The following SLX4IP variants were observed in gnomAD, a reference collection of about 807,000 sequenced individuals.
SLX4IP encodes the protein protein SLX4IP.
A neutral mutation model predicts 32.9 loss-of-function variants in SLX4IP; 34 were observed. That is an observed-to-expected ratio of 1.03 (90% CI 0.79 to 1.38). The LOEUF is 1.38. Ranked by LOEUF, SLX4IP falls within the 40% of genes most tolerant of loss-of-function variation. The pLI is 0.00. For synonymous variants in SLX4IP, 172 were observed against 171.7 expected, an observed-to-expected ratio of 1.00 and a Z score of -0.01; for missense variants, 444 against 479.0, an observed-to-expected ratio of 0.93 and a Z score of 0.68.
chr20:10,444,179 T>C (rs1378690952), intron 1 of SLX4IP, among the ~76,000 whole-genome samples: 1 of 67,774 alleles, frequency 1.5e-5, no homozygotes, highest in Admixed American at 1.6e-4. Flanking sequence ...GGATAGAGAT[T>C]AGAGGTACTT....
At chr20:10,548,331 C>T (rs1259030465) in intron 2 of SLX4IP, among the ~76,000 whole-genome samples, 2 of 152,086 alleles carry the variant, frequency 1.3e-5, no homozygotes, top group Non-Finnish European at 2.9e-5. Context: ...CTCCGCCTCC[C>T]GGGTTCATGC....
In SLX4IP at chr20:10,622,966, C is replaced by T; in HGVS notation, c.814C>T (p.Pro272Ser). ...AAAGACAGGGCTTCTAAGCAGGAGC[C>T]CCGTCTGTAGCTGTGAGTCAGCATC... The part of the protein sequence containing the change: ...RLKTGLLSRS[P>S]VCSCESASPC... The change falls in exon 8 of 8, where the codon CCC becomes TCC. Residue 272 changes from proline to serine, a missense_variant. Transcript: ENST00000334534. 3.1e-6 allele frequency: 5 copies of T among 1,614,136 alleles called. No individual in the cohort carries two copies. Among genetic ancestry groups the T allele is most frequent in the Non-Finnish European group, 4.2e-6 (5 of 1,180,038 alleles).
At position 10,435,468 on chromosome 20, in the gene SLX4IP, CTCTGACAACCTCAGATGTTCCTT is replaced by C. The variant is rs768822953; in HGVS notation, c.-30+16_-30+38del. On this transcript the variant is annotated intron_variant, in intron 1 of 7. Transcript: ENST00000334534. Reference sequence around the variant, plus strand: ...CACCATCATAGGTAAGCACATGGACCTCTGACAACCTCAGATGTTCCTTCAAGTGAACTGAACTGTTTGCCCAT... The same window carrying C: ...CACCATCATAGGTAAGCACATGGACCCAAGTGAACTGAACTGTTTGCCCAT... 3.3e-5 allele frequency: 5 copies of C among 152,256 alleles called. No individual in the cohort carries two copies. Among genetic ancestry groups the C allele is most frequent in the African/African-American group, 9.6e-5 (4 of 41,472 alleles). The allele number at this position is 152,256 out of a possible 1,614,324, so 9.4% of individuals were successfully genotyped here.
intron 6 of SLX4IP, chr20:10,613,092 C>T (rs1391969969): frequency 3.2e-6 from 1 of 310,300 alleles, no homozygotes; most frequent in African/African-American, 2.2e-5. Context: ...CAGACACGCA[C>T]ATCGCAGAAA....
At chr20:10,531,217 C>T (rs142766156) in intron 2 of SLX4IP, among the ~76,000 whole-genome samples, 1,749 of 152,282 alleles carry the variant, frequency 0.011, 24 homozygotes, top group Non-Finnish European at 0.018. Flanking sequence ...CTCACCCCAC[C>T]TCCTACCTGC....
intron 2 of SLX4IP, among the ~76,000 whole-genome samples, chr20:10,472,076 A>G (rs190563510): frequency 6.6e-6 from 1 of 152,238 alleles, no homozygotes; most frequent in East Asian, 1.9e-4. Context: ...GGAGCAGCGT[A>G]CCTCCAGAGG....
intron 2 of SLX4IP, among the ~76,000 whole-genome samples, chr20:10,492,417 T>C (rs922701721): frequency 6.6e-6 from 1 of 152,250 alleles, no homozygotes; most frequent in Non-Finnish European, 1.5e-5. Context: ...TTTTTACTTT[T>C]TCCAATCTTA....
rs183284770 is a variant in SLX4IP, at chr20:10,495,617, T to G, written c.27+37386T>G. ...TCACATTTTCCTTATATCTTGTCAG[T>G]TTTTGCTTTATGTATGTTGAAGCTG... On this transcript the variant is annotated intron_variant, in intron 2 of 7. Transcript: ENST00000334534. 6.0e-4 allele frequency among the ~76,000 whole-genome samples: 92 copies of G among 152,302 alleles called. 1 individual carries two copies. The East Asian group carries it at 0.016, about 26-fold the overall frequency.
At chr20:10,571,503 C>T (rs773264863) in intron 4 of SLX4IP, among the ~76,000 whole-genome samples, 10 of 152,180 alleles carry the variant, frequency 6.6e-5, no homozygotes, top group Non-Finnish European at 1.3e-4. Flanking sequence ...GTGCCCTCCT[C>T]ATCCTCCAGC....
intron 2 of SLX4IP, among the ~76,000 whole-genome samples, chr20:10,525,518 A>G (rs966450435): frequency 1.3e-5 from 2 of 152,220 alleles, no homozygotes; most frequent in Non-Finnish European, 2.9e-5. Flanking sequence ...TAGCCGAACT[A>G]TATACCATGA....
At chr20:10,479,483 G>C (rs1393898833) in intron 2 of SLX4IP, among the ~76,000 whole-genome samples, 1 of 150,874 alleles carries the variant, frequency 6.6e-6, no homozygotes, top group African/African-American at 2.4e-5. Flanking sequence ...CTCCTGAGTA[G>C]CTGAGACTAC....
chr20:10,597,258 C>T (rs2066781313), intron 4 of SLX4IP, among the ~76,000 whole-genome samples: 1 of 152,248 alleles, frequency 6.6e-6, no homozygotes, highest in Non-Finnish European at 1.5e-5. Context: ...TCCAGTTTGA[C>T]AGAGGGGGAC....
At chr20:10,573,464 G>C (rs1354374825) in intron 4 of SLX4IP, among the ~76,000 whole-genome samples, 1 of 152,164 alleles carries the variant, frequency 6.6e-6, no homozygotes, top group Non-Finnish European at 1.5e-5. Context: ...TTTTTTATGT[G>C]AGTCAGTTAT....
chr20:10,592,133 T>G (rs2066715701), intron 4 of SLX4IP, among the ~76,000 whole-genome samples: 1 of 152,192 alleles, frequency 6.6e-6, no homozygotes, highest in Non-Finnish European at 1.5e-5. Flanking sequence ...CTGTCCTTAT[T>G]TAGGGACATG....
intron 2 of SLX4IP, among the ~76,000 whole-genome samples, chr20:10,525,056 G>A (rs1197396091): frequency 6.6e-6 from 1 of 152,028 alleles, no homozygotes; most frequent in Non-Finnish European, 1.5e-5. Context: ...AGAGAAAAAA[G>A]TTCCTAGCAC....
At chr20:10,548,177 A>G (rs1296903518) in intron 2 of SLX4IP, among the ~76,000 whole-genome samples, 1 of 152,140 alleles carries the variant, frequency 6.6e-6, no homozygotes, top group African/African-American at 2.4e-5. Context: ...GAAGAGATTC[A>G]TGGTCTTTGG....
At position 10,627,733 on chromosome 20, in the gene SLX4IP, A is replaced by G. The variant is rs532086960; in HGVS notation, c.*4354A>G. The G allele has an allele frequency of 6.6e-6, 1 of 152,384 alleles. No individual in the cohort carries two copies. Among genetic ancestry groups the G allele is most frequent in the Non-Finnish European group, 1.5e-5 (1 of 68,040 alleles). The allele number at this position is 152,384 out of a possible 1,614,324, so 9.4% of individuals were successfully genotyped here. On this transcript the variant is annotated 3_prime_UTR_variant, in exon 8 of 8. Transcript: ENST00000334534. ...ATAATTGCCATTACAGTTCCTTATC[A>G]AAAATGTTAATTCTTTGCTTGAGCA...
chr20:10,479,473 C>T (rs1367329576), intron 2 of SLX4IP, among the ~76,000 whole-genome samples: 7 of 151,140 alleles, frequency 4.6e-5, no homozygotes, highest in Non-Finnish European at 8.8e-5. Flanking sequence ...CTGCCTCAGC[C>T]TCCTGAGTAG....
At chr20:10,536,974 CAT>C (rs1166971317) in intron 2 of SLX4IP, among the ~76,000 whole-genome samples, 46 of 152,196 alleles carry the variant, frequency 3.0e-4, no homozygotes, top group African/African-American at 1.0e-3. Flanking sequence ...TTAGCTAACA[CAT>C]GTGTGAATTT....
Sources: gnomAD v4.1 joint callset for allele counts (sites outside exome capture counted in the v4.1 genomes callset) on GRCh38, gnomAD v4.1.1 for gene constraint, MANE v1.5 for transcripts, NCBI Gene and HGNC (gene_info 2026-07-23, HGNC 2026-07-21) for gene names.